Variants in CAMKMT observed in about 807,000 individuals in gnomAD.
CAMKMT encodes CaM KMT.
CAMKMT carries 53 observed loss-of-function variants against 48.0 expected under a neutral mutation model. The observed-to-expected ratio is 1.10, with a 90% CI of 0.89 to 1.39. The LOEUF is 1.39. Among genes scored for constraint, CAMKMT ranks in the 40% most tolerant of loss-of-function variants. The pLI, the probability that CAMKMT is intolerant of heterozygous loss-of-function variation, is 0.00. For missense variants in CAMKMT, 428 were observed against 402.7 expected (o/e 1.06, Z -0.54); for synonymous variants, 165 against 152.3 (o/e 1.08, Z -0.61).
intron 3 of CAMKMT, among the ~76,000 whole-genome samples, chr2:44,533,242 A>AT (rs546325795): frequency 0.098 from 14,288 of 145,220 alleles, 676 homozygotes; most frequent in South Asian, 0.11. Context: ...TTAATAACAG[A>AT]TTTTTTTTTT....
At chr2:44,716,241 C>T (rs1391339714) in intron 7 of CAMKMT, among the ~76,000 whole-genome samples, 1 of 152,100 alleles carries the variant, frequency 6.6e-6, no homozygotes, top group African/African-American at 2.4e-5. Flanking sequence ...CTTTCCCACC[C>T]CAACTTCCCA....
chr2:44,379,680 G>T (rs1315302390), intron 2 of CAMKMT, among the ~76,000 whole-genome samples: 1 of 151,472 alleles, frequency 6.6e-6, no homozygotes, highest in Non-Finnish European at 1.5e-5. Flanking sequence ...ATGATGTTGA[G>T]TATCTTTTCA....
chr2:44,428,086 C>G (rs532871679), intron 3 of CAMKMT, among the ~76,000 whole-genome samples: 2 of 152,298 alleles, frequency 1.3e-5, no homozygotes, highest in African/African-American at 4.8e-5. Context: ...TAAGTGTTAA[C>G]CAGCTCAGTG....
At chr2:44,363,945 C>G (rs1332585010) in intron 1 of CAMKMT, among the ~76,000 whole-genome samples, 2 of 151,744 alleles carry the variant, frequency 1.3e-5, no homozygotes, top group African/African-American at 4.8e-5. Context: ...CTTGCCTCGC[C>G]TCCCGAAGTG....
chr2:44,512,358 T>C (rs61579973), intron 3 of CAMKMT, among the ~76,000 whole-genome samples: 1 of 152,338 alleles, frequency 6.6e-6, no homozygotes, highest in East Asian at 1.9e-4. Context: ...AGAAAACATA[T>C]AAAGCACTTA....
chr2:44,472,160 C>T (rs1203626057), intron 3 of CAMKMT, among the ~76,000 whole-genome samples: 8 of 152,098 alleles, frequency 5.3e-5, no homozygotes, highest in South Asian at 2.1e-4. Flanking sequence ...AAGCTCCGCT[C>T]CCTGGGTTCA....
chr2:44,370,744 G>C (rs1402764861), intron 1 of CAMKMT, among the ~76,000 whole-genome samples: 1 of 152,008 alleles, frequency 6.6e-6, no homozygotes, highest in Non-Finnish European at 1.5e-5. Context: ...CTGTAAGCCT[G>C]GATTTAGCTG....
rs187987961 is a variant in CAMKMT, at chr2:44,428,262, G to A, written c.376+37957G>A. On this transcript the variant is annotated intron_variant, in intron 3 of 10. Coordinates refer to ENST00000378494, the MANE Select transcript of CAMKMT (RefSeq NM_024766.5). ...AGGATGGAGAGTTGGAAATGGGGTG[G>A]AGTGAGAAGATAATCTTCCCCTAGA... Among the ~76,000 whole-genome samples the A allele has an allele frequency of 1.1e-4, 17 of 152,288 alleles. No individual in the cohort carries two copies. In the East Asian group the frequency reaches 1.7e-3, roughly 16 times the overall value.
intron 3 of CAMKMT, among the ~76,000 whole-genome samples, chr2:44,418,577 A>G (rs1683726064): frequency 6.6e-6 from 1 of 152,104 alleles, no homozygotes. Context: ...TCTTTTCTAG[A>G]GTCTGTATTC....
intron 3 of CAMKMT, among the ~76,000 whole-genome samples, chr2:44,543,912 G>A (rs1390246912): frequency 6.6e-6 from 1 of 152,078 alleles, no homozygotes; most frequent in Non-Finnish European, 1.5e-5. Context: ...GGATAACCTG[G>A]TCGAGTTAGC....
intron 3 of CAMKMT, among the ~76,000 whole-genome samples, chr2:44,525,490 G>A (rs1052390601): frequency 1.3e-5 from 2 of 152,192 alleles, no homozygotes; most frequent in South Asian, 2.1e-4. Context: ...TCCTGACCTC[G>A]TGATCCACCC....
intron 3 of CAMKMT, among the ~76,000 whole-genome samples, chr2:44,468,809 C>T (rs1668263715): frequency 1.3e-5 from 2 of 152,066 alleles, no homozygotes; most frequent in African/African-American, 2.4e-5. Context: ...ATCCTAGGTA[C>T]TCAGGAGGCT....
intron 3 of CAMKMT, among the ~76,000 whole-genome samples, chr2:44,541,783 A>C (rs1667121244): frequency 6.6e-6 from 1 of 151,956 alleles, no homozygotes; most frequent in Admixed American, 6.6e-5. Context: ...AAAAAAAAAA[A>C]AAAGGATACA....
Position 44,639,613 on chromosome 2 carries a change from G to A in CAMKMT, c.377-64670G>A, listed in dbSNP as rs113761506. Among the ~76,000 whole-genome samples the A allele has an allele frequency of 1.7e-3, 262 of 152,328 alleles. 1 individual carries two copies. The highest frequency in any genetic ancestry group is 6.0e-3 in the African/African-American group (251 of 41,564). The stretch of plus-strand genomic sequence containing the variant: ...GATATTGGGAAAGCACTATACAAGT[G>A]TAGCAGTAGCAGTGGGTGGTTTATA... On this transcript the variant is annotated intron_variant, in intron 3 of 10. Coordinates refer to ENST00000378494, the MANE Select transcript of CAMKMT (RefSeq NM_024766.5).
In CAMKMT at chr2:44,700,956, G is replaced by T. The variant is rs537387750; in HGVS notation, c.377-3327G>T. On this transcript the variant is annotated intron_variant, in intron 3 of 10. Coordinates refer to ENST00000378494, the MANE Select transcript of CAMKMT (RefSeq NM_024766.5). ...TATAACGTTTTCAAGTCCCATCTAT[G>T]TTGTAGCATGTATCAGTTCTTCTTT... Among the ~76,000 whole-genome samples, 4 of 152,266 alleles carry T rather than the reference G, an allele frequency of 2.6e-5. No individual in the cohort carries two copies. In the East Asian group the frequency reaches 7.7e-4, roughly 29 times the overall value.
intron 3 of CAMKMT, among the ~76,000 whole-genome samples, chr2:44,564,375 A>G (rs1398896066): frequency 6.6e-6 from 1 of 151,882 alleles, no homozygotes; most frequent in Non-Finnish European, 1.5e-5. Context: ...GGGTTTCACC[A>G]CCTTGGCCAG....
intron 7 of CAMKMT, among the ~76,000 whole-genome samples, chr2:44,731,112 G>C (rs1250439085): frequency 2.6e-5 from 4 of 152,176 alleles, no homozygotes; most frequent in Non-Finnish European, 5.9e-5. Flanking sequence ...AGGCTGAAGC[G>C]GGTGGATCAC....
intron 3 of CAMKMT, among the ~76,000 whole-genome samples, chr2:44,418,439 T>G (rs1558597304): frequency 6.6e-6 from 1 of 152,090 alleles, no homozygotes; most frequent in African/African-American, 2.4e-5. Flanking sequence ...TGTTGTTGTT[T>G]TTGTTGTTGT....
chr2:44,503,357 C>T (rs698827), intron 3 of CAMKMT, among the ~76,000 whole-genome samples: 98,136 of 151,932 alleles, frequency 0.65, 32,139 homozygotes, highest in Admixed American at 0.7. Flanking sequence ...AGAGATTGCT[C>T]TGTCCTAAGA....
Sources: allele counts gnomAD v4.1 joint callset (sites outside exome capture counted in the v4.1 genomes callset), GRCh38; gene constraint gnomAD v4.1.1; transcripts MANE v1.5; gene names NCBI Gene and HGNC (gene_info 2026-07-23, HGNC 2026-07-21).